DAW1: variants seen among roughly 807,000 people sequenced by gnomAD.
The protein encoded by DAW1 is dynein assembly factor with WD repeat domains 1.
Under a neutral mutation model 56.5 loss-of-function variants are expected in DAW1, and 47 were observed. That is an observed-to-expected ratio of 0.83 (90% CI 0.66 to 1.06). The LOEUF is 1.06. Among genes scored for constraint, DAW1 ranks in the 50% least tolerant of loss-of-function variants. DAW1 has a pLI of 0.00. For missense variants in DAW1, 505 were observed against 499.3 expected (o/e 1.01, Z -0.11); for synonymous variants, 190 against 179.0 (o/e 1.06, Z -0.49).
chr2:227,906,485 T>C (rs1691686434), intron 9 of DAW1, 147 bp downstream of exon 9: 3 of 654,824 alleles, frequency 4.6e-6, no homozygotes, highest in Non-Finnish European at 6.7e-6. Context: ...TTTTAAAATT[T>C]CTAGTTTTGG....
chr2:227,878,643 G>A (rs1690941560), intron 1 of DAW1, among the ~76,000 whole-genome samples: 1 of 152,130 alleles, frequency 6.6e-6, no homozygotes, highest in South Asian at 2.1e-4. Flanking sequence ...AATGGCATGG[G>A]TTCCTAGGAG....
rs538012535 is a variant in DAW1 at position 227,891,334 on chromosome 2, C to T, written c.317+21C>T. On this transcript the variant is annotated intron_variant, in intron 4 of 12. Coordinates refer to ENST00000309931, the MANE Select transcript of DAW1 (RefSeq NM_178821.3). ...TCATGGTAAGATTCTCTTTTTATGT[C>T]TAATTTTTAGCAGTGAAACAAATTT... is the stretch of plus-strand genomic sequence containing the variant. 1.1e-4 allele frequency: 176 copies of T among 1,604,850 alleles called. No homozygotes were observed. In the South Asian group the frequency reaches 1.8e-3, roughly 17 times the overall value.
intron 10 of DAW1, among the ~76,000 whole-genome samples, chr2:227,917,409 C>T (rs1275901523): frequency 6.6e-6 from 1 of 151,920 alleles, no homozygotes; most frequent in Non-Finnish European, 1.5e-5. Flanking sequence ...TACAGGTGCT[C>T]ACCACCGCAC....
chr2:227,892,555 A>G (rs1691290094), intron 4 of DAW1, among the ~76,000 whole-genome samples: 1 of 152,230 alleles, frequency 6.6e-6, no homozygotes, highest in South Asian at 2.1e-4. Flanking sequence ...TCAACCCATA[A>G]AGTATCTATA....
chr2:227,917,474 A>T (rs1045639778), intron 10 of DAW1, among the ~76,000 whole-genome samples: 1 of 151,834 alleles, frequency 6.6e-6, no homozygotes, highest in African/African-American at 2.4e-5. Context: ...GTTAGCCAGG[A>T]TGGTCTCGAT....
At chr2:227,889,483 T>G (rs1416659458) in intron 2 of DAW1, 1 of 156,336 alleles carries the variant, frequency 6.4e-6, no homozygotes, top group African/African-American at 2.4e-5. Context: ...TAATTACCTA[T>G]TCAGGCCGCA....
rs74974077 is a variant in DAW1 at position 227,915,178 on chromosome 2, C to T, written c.974-3602C>T. ...CACACTTTGATAAATATATGATGCTCTGCTTTTATTCATGTTGTGTAGTGA... is the reference window on the plus strand; with the variant it reads ...CACACTTTGATAAATATATGATGCTTTGCTTTTATTCATGTTGTGTAGTGA... On this transcript the variant is annotated intron_variant, in intron 10 of 12. Transcript: ENST00000309931. Among the ~76,000 whole-genome samples, 1,284 of 152,128 alleles carry T rather than the reference C, an allele frequency of 8.4e-3. 5 individuals are homozygous for T. Among genetic ancestry groups the T allele is most frequent in the Non-Finnish European group, 0.014 (931 of 67,934 alleles).
intron 9 of DAW1, among the ~76,000 whole-genome samples, chr2:227,906,898 G>T (rs571569461): frequency 6.6e-6 from 1 of 152,272 alleles, no homozygotes; most frequent in Non-Finnish European, 1.5e-5. Context: ...TGTAGTGGCA[G>T]ATTCTAAATG....
chr2:227,923,293 C>A (rs1341238355), intron 12 of DAW1, among the ~76,000 whole-genome samples: 2 of 152,066 alleles, frequency 1.3e-5, no homozygotes, highest in Non-Finnish European at 2.9e-5. Context: ...TAGTGGCCTA[C>A]CTGAGGCTGG....
chr2:227,908,794 C>T (rs1390860275), intron 10 of DAW1, among the ~76,000 whole-genome samples: 1 of 152,166 alleles, frequency 6.6e-6, no homozygotes, highest in Admixed American at 6.6e-5. Flanking sequence ...TGATGCTATA[C>T]TAAGTCTATG....
Position 227,898,185 on chromosome 2 carries a change from CA to C in DAW1, c.448del (p.Ile150SerfsTer31). ...AIAFNNPYGD[K>X]IATGSFDKTC... Reference sequence around the variant, plus strand: ...CTACATTTCTTTTAAATCTTAGTGACAAAATCGCCACTGGGTCCTTTGATAA... The same window carrying C: ...CTACATTTCTTTTAAATCTTAGTGACAAATCGCCACTGGGTCCTTTGATAA... On this transcript the variant is annotated frameshift_variant, in exon 6 of 13. Transcript: ENST00000309931. LOFTEE classifies it high-confidence loss of function. 6.4e-7 allele frequency: 1 copy of C among 1,560,422 alleles called. No individual in the cohort carries two copies. Among genetic ancestry groups the C allele is most frequent in the Non-Finnish European group, 8.7e-7 (1 of 1,151,208 alleles).
chr2:227,873,942 A>G (rs1384630377), intron 1 of DAW1, among the ~76,000 whole-genome samples: 2 of 152,184 alleles, frequency 1.3e-5, no homozygotes, highest in Admixed American at 6.5e-5. Context: ...TGGACTCCCA[A>G]AGTGCTGGGA....
At chr2:227,877,173 CTTTG>C (rs1280890607) in intron 1 of DAW1, among the ~76,000 whole-genome samples, 2 of 152,284 alleles carry the variant, frequency 1.3e-5, no homozygotes, top group African/African-American at 2.4e-5. Context: ...CTGGCAGCAT[CTTTG>C]TTTATTTATT....
rs868780860 is a variant in DAW1 at position 227,904,985 on chromosome 2, C to T, written c.705C>T (p.Ile235=). The change falls in exon 8 of 13, where the codon ATC becomes ATT. Residue 235 remains isoleucine (I), a synonymous_variant. Transcript: ENST00000309931. ...TTAACACCTCAGGAGACAGAATCATCACGGGGTCTTTTGATCATACCGTTG... is the reference window on the plus strand; with the variant it reads ...TTAACACCTCAGGAGACAGAATCATTACGGGGTCTTTTGATCATACCGTTG... ...LSFNTSGDRI[I]TGSFDHTVVV... 4.3e-6 allele frequency: 7 copies of T among 1,613,770 alleles called. No individual in the cohort carries two copies. Among genetic ancestry groups the T allele is most frequent in the Non-Finnish European group, 5.9e-6 (7 of 1,179,834 alleles).
chr2:227,897,686 A>G (rs1302570418), intron 5 of DAW1, among the ~76,000 whole-genome samples: 1 of 152,200 alleles, frequency 6.6e-6, no homozygotes, highest in African/African-American at 2.4e-5. Context: ...ACCCTCTTAC[A>G]ACTGGAATAA....
intron 2 of DAW1, among the ~76,000 whole-genome samples, chr2:227,887,963 T>C (rs748879787): frequency 2.7e-4 from 41 of 152,220 alleles, no homozygotes; most frequent in Non-Finnish European, 5.1e-4. Flanking sequence ...CGAGGAAATC[T>C]GTTTTTATAT....
intron 10 of DAW1, among the ~76,000 whole-genome samples, chr2:227,909,393 A>G (rs1465927515): frequency 6.7e-6 from 1 of 148,306 alleles, no homozygotes; most frequent in Non-Finnish European, 1.5e-5. Flanking sequence ...CACTATATAT[A>G]CTATGTATAT....
At chr2:227,878,432 T>C (rs963038959) in intron 1 of DAW1, among the ~76,000 whole-genome samples, 1 of 152,208 alleles carries the variant, frequency 6.6e-6, no homozygotes, top group African/African-American at 2.4e-5. Flanking sequence ...ATTCTGATAA[T>C]GTTGATCAAC....
At chr2:227,917,963 A>G (rs1005938593) in intron 10 of DAW1, among the ~76,000 whole-genome samples, 1 of 152,196 alleles carries the variant, frequency 6.6e-6, no homozygotes, top group African/African-American at 2.4e-5. Flanking sequence ...TGCTATAATC[A>G]GAGATTTAAA....
Sources: gnomAD v4.1 joint callset for allele counts (sites outside exome capture counted in the v4.1 genomes callset) on GRCh38, gnomAD v4.1.1 for gene constraint, MANE v1.5 for transcripts, NCBI Gene and HGNC (gene_info 2026-07-23, HGNC 2026-07-21) for gene names.